PPP1R13B: variants seen among roughly 807,000 people sequenced by gnomAD.
PPP1R13B encodes the protein apoptosis-stimulating of p53 protein 1.
PPP1R13B carries 44 observed loss-of-function variants against 119.8 expected under a neutral mutation model. The ratio of observed to expected loss-of-function variants is 0.37; its 90% CI spans 0.29 to 0.47. The LOEUF (loss-of-function observed/expected upper bound fraction) is 0.47. Ranked by LOEUF, PPP1R13B falls within the 20% of genes least tolerant of loss-of-function variation. The pLI, the probability that PPP1R13B is intolerant of heterozygous loss-of-function variation, is 0.99. For missense variants in PPP1R13B, 1,227 were observed against 1,413.5 expected (o/e 0.87, Z 2.12); for synonymous variants, 542 against 561.5 (o/e 0.97, Z 0.49).
At chr14:103,758,031 T>C (rs1343643571) in intron 4 of PPP1R13B, among the ~76,000 whole-genome samples, 1 of 152,244 alleles carries the variant, frequency 6.6e-6, no homozygotes, top group African/African-American at 2.4e-5. Flanking sequence ...CATTCCTCCT[T>C]CTGGAATGAC....
intron 2 of PPP1R13B, among the ~76,000 whole-genome samples, chr14:103,796,109 T>C (rs1333656318): frequency 1.3e-5 from 2 of 151,948 alleles, no homozygotes; most frequent in African/African-American, 4.8e-5. Context: ...CTGGGCAACA[T>C]GGCAAAACCC....
intron 5 of PPP1R13B, 61 bp from the exon 6 acceptor site, chr14:103,754,305 C>G: frequency 6.6e-7 from 1 of 1,514,686 alleles, no homozygotes; most frequent in Non-Finnish European, 8.9e-7. Flanking sequence ...TGGCTCACAT[C>G]TGTAATTCCA....
intron 16 of PPP1R13B, 26 bp from the exon 17 acceptor site, chr14:103,735,221 GACAGGAAGCCACAC>G (rs771821670): frequency 1.2e-5 from 20 of 1,613,404 alleles, no homozygotes; most frequent in Non-Finnish European, 1.7e-5. Flanking sequence ...GCCGCGTCAG[GACAGGAAGCCACAC>G]ACAGGGAGCA....
At chr14:103,832,855 G>A (rs775498012) in intron 1 of PPP1R13B, among the ~76,000 whole-genome samples, 8 of 152,130 alleles carry the variant, frequency 5.3e-5, no homozygotes, top group Non-Finnish European at 5.9e-5. Flanking sequence ...GGTGATGGGC[G>A]CCTGTAATCC....
At chr14:103,774,746 T>C (rs1286263796) in intron 4 of PPP1R13B, among the ~76,000 whole-genome samples, 2 of 152,188 alleles carry the variant, frequency 1.3e-5, no homozygotes, top group African/African-American at 4.8e-5. Context: ...ATAACCAAGG[T>C]ATACACAGAA....
intron 4 of PPP1R13B, chr14:103,763,841 T>C (rs2084872789): frequency 6.6e-6 from 1 of 152,276 alleles, no homozygotes; most frequent in Non-Finnish European, 1.5e-5. Flanking sequence ...CCCACTGATC[T>C]GCTTTCTGTC....
At chr14:103,841,217 G>A (rs12879529) in intron 1 of PPP1R13B, among the ~76,000 whole-genome samples, 43,944 of 151,076 alleles carry the variant, frequency 0.29, 6,814 homozygotes, top group Non-Finnish European at 0.34. Context: ...CCCAAGAGAT[G>A]GAGGTTGCAG....
chr14:103,832,976 T>C (rs1301068813), intron 1 of PPP1R13B, among the ~76,000 whole-genome samples: 1 of 150,886 alleles, frequency 6.6e-6, no homozygotes, highest in Non-Finnish European at 1.5e-5. Flanking sequence ...AGCGAGATTA[T>C]GTCTCCAAAA....
intron 5 of PPP1R13B, among the ~76,000 whole-genome samples, chr14:103,756,244 T>C (rs2084676338): frequency 6.6e-6 from 1 of 152,112 alleles, no homozygotes; most frequent in Non-Finnish European, 1.5e-5. Flanking sequence ...CGTTAGCCAC[T>C]ACATCTGGCT....
intron 3 of PPP1R13B, among the ~76,000 whole-genome samples, chr14:103,783,397 T>C (rs1366479823): frequency 2.0e-5 from 3 of 151,652 alleles, no homozygotes; most frequent in Non-Finnish European, 4.4e-5. Context: ...GTAGCTGGGA[T>C]TATAGGCGCA....
chr14:103,786,697 G>A (rs930393820), intron 2 of PPP1R13B, among the ~76,000 whole-genome samples: 5 of 148,600 alleles, frequency 3.4e-5, no homozygotes, highest in Admixed American at 6.8e-5. Flanking sequence ...CCTAGGAGGC[G>A]GAGGTTGCAG....
At chr14:103,739,229 C>G (rs2084189598) in intron 12 of PPP1R13B, 1 of 596,222 alleles carries the variant, frequency 1.7e-6, no homozygotes. Flanking sequence ...AGAGCCCTGT[C>G]TGAGGCCTGA....
chr14:103,754,207 C>T lies in PPP1R13B; in HGVS notation c.494G>A (p.Arg165His), dbSNP rs770242805. The change falls in exon 6 of 17, where the codon CGT becomes CAT. Residue 165 changes from arginine (R) to histidine (H), a missense_variant. Arg to His is a conservative substitution (Grantham distance 29). Transcript: ENST00000202556. The part of the protein sequence containing the change: ...RLHFLKQQER[R>H]QQQSISENEK... ...ATTTTCAGAAATAGACTGCTGCTGA[C>T]GGCGCTCCTGTTGCTTTAGAAAATG... 4.5e-5 allele frequency: 73 copies of T among 1,613,758 alleles called. No individual in the cohort carries two copies. The highest frequency in any genetic ancestry group is 9.3e-5 in the African/African-American group (7 of 74,946).
At chr14:103,774,899 G>A (rs1321332932) in intron 4 of PPP1R13B, among the ~76,000 whole-genome samples, 1 of 152,186 alleles carries the variant, frequency 6.6e-6, no homozygotes, top group African/African-American at 2.4e-5. Flanking sequence ...TCTTTGATGT[G>A]ATGCTTCCAA....
intron 2 of PPP1R13B, among the ~76,000 whole-genome samples, chr14:103,789,090 G>T (rs2085544272): frequency 6.6e-6 from 1 of 152,160 alleles, no homozygotes; most frequent in African/African-American, 2.4e-5. Flanking sequence ...TCTGAAATAG[G>T]AATCTTGGAA....
chr14:103,814,503 G>C (rs2086231830), intron 1 of PPP1R13B, among the ~76,000 whole-genome samples: 1 of 152,016 alleles, frequency 6.6e-6, no homozygotes. Flanking sequence ...AAAAAGATAA[G>C]GCAGTAAAAG....
intron 1 of PPP1R13B, among the ~76,000 whole-genome samples, chr14:103,837,560 CGCAA>C (rs1397424272): frequency 6.6e-6 from 1 of 152,006 alleles, no homozygotes; most frequent in Non-Finnish European, 1.5e-5. Context: ...TGTGCATGCA[CGCAA>C]GCACTCACTC....
At position 103,740,337 on chromosome 14, in the gene PPP1R13B, G is replaced by A; in HGVS notation, c.2079C>T (p.Ala693=). Residue 693 remains alanine, a synonymous_variant, in exon 12 of 17, where the codon GCC becomes GCT. Coordinates refer to ENST00000202556, the MANE Select transcript of PPP1R13B (RefSeq NM_015316.3). The surrounding 1 kb of genome is among the most constrained non-coding windows in gnomAD (Gnocchi z 4.6). ...LRYQSDADLE[A]LRRKLANAPR... The stretch of plus-strand genomic sequence containing the variant: ...GCGCGTTGGCCAGCTTCCTGCGGAG[G>A]GCCTCCAGGTCTGCATCACTCTGGT... 1.3e-6 allele frequency: 2 copies of A among 1,567,066 alleles called. No individual in the cohort carries two copies. The highest frequency in any genetic ancestry group is 1.7e-6 in the Non-Finnish European group (2 of 1,156,304).
At chr14:103,847,614 G>A, upstream of PPP1R13B, 9 of 985,976 alleles carry the variant, frequency 9.1e-6, no homozygotes, top group South Asian at 4.5e-5. Context: ...GCCCCCGCAG[G>A]CCCCGCCCCC....
Sources: allele counts gnomAD v4.1 joint callset (sites outside exome capture counted in the v4.1 genomes callset), GRCh38; gene constraint gnomAD v4.1.1; non-coding constraint Gnocchi (gnomAD v3.1); transcripts MANE v1.5; gene names NCBI Gene and HGNC (gene_info 2026-07-23, HGNC 2026-07-21).